Variants in MARK1 observed in about 807,000 individuals in gnomAD.
MARK1 encodes the protein microtubule affinity regulating kinase 1.
A neutral mutation model predicts 96.3 loss-of-function variants in MARK1; 40 were observed. The observed-to-expected ratio is 0.42, with a 90% CI of 0.32 to 0.54. MARK1 has a LOEUF of 0.54. Among genes scored for constraint, MARK1 ranks in the 20% least tolerant of loss-of-function variants. MARK1 has a pLI of 0.16. For missense variants in MARK1, 719 were observed against 984.6 expected, an observed-to-expected ratio of 0.73 and a Z score of 3.61; for synonymous variants, 317 against 341.2, an observed-to-expected ratio of 0.93 and a Z score of 0.78.
At chr1:220,538,233 C>T (rs1332712535) in intron 1 of MARK1, among the ~76,000 whole-genome samples, 4 of 151,988 alleles carry the variant, frequency 2.6e-5, no homozygotes, top group South Asian at 4.2e-4. Flanking sequence ...AGTCTTTAAT[C>T]CATCTTGAAT....
chr1:220,620,259 T>C lies in MARK1; in HGVS notation c.909+1504T>C, dbSNP rs559856652. Among the ~76,000 whole-genome samples, 9 of 152,344 alleles carry C rather than the reference T, an allele frequency of 5.9e-5. No individual in the cohort carries two copies. In the South Asian group the frequency reaches 1.9e-3, roughly 32 times the overall value. On this transcript the variant is annotated intron_variant, in intron 9 of 17. Transcript: ENST00000366917. ...GCTTTAATAGAGAACATGTACTATA[T>C]AATGCCCACTTTTATATCACTTATT...
At chr1:220,657,620 A>G (rs1669244651) in intron 16 of MARK1, among the ~76,000 whole-genome samples, 170 bp from the exon 17 acceptor site, 3 of 152,252 alleles carry the variant, frequency 2.0e-5, no homozygotes, top group African/African-American at 7.2e-5. Context: ...GATAAATTAC[A>G]TGCGGTTATG....
intron 9 of MARK1, among the ~76,000 whole-genome samples, chr1:220,629,322 A>G (rs1019395535): frequency 4.6e-5 from 7 of 151,622 alleles, no homozygotes; most frequent in Non-Finnish European, 8.8e-5. Context: ...TTGCCTGACC[A>G]TGAGTATAGT....
At chr1:220,544,135 A>G (rs1661325393) in intron 1 of MARK1, among the ~76,000 whole-genome samples, 1 of 152,228 alleles carries the variant, frequency 6.6e-6, no homozygotes, top group African/African-American at 2.4e-5. Context: ...AAGGGTTTAA[A>G]GAGGAATTTC....
At chr1:220,645,994 G>C (rs1218926099) in intron 13 of MARK1, among the ~76,000 whole-genome samples, 1 of 152,042 alleles carries the variant, frequency 6.6e-6, no homozygotes, top group African/African-American at 2.4e-5. Context: ...CTTGAAAACT[G>C]GCACAAGACA....
Position 220,650,692 on chromosome 1 carries a change from G to T in MARK1, c.1543G>T (p.Val515Leu), listed in dbSNP as rs780288227. The change falls in exon 14 of 18, where the codon GTA becomes TTA. Residue 515 changes from valine to leucine, a missense_variant. By Grantham distance (32) the Val-to-Leu change is conservative. Transcript: ENST00000366917. ...CTGTGAAAGGACCACAGATCGATAC[G>T]TAGCATTGCAGAATGGAAAAGACAG... ...YVCERTTDRY[V>L]ALQNGKDSSL... 1.1e-5 allele frequency: 18 copies of T among 1,613,338 alleles called. No individual in the cohort carries two copies.
intron 13 of MARK1, among the ~76,000 whole-genome samples, chr1:220,647,211 A>G (rs926061149): frequency 2.0e-5 from 3 of 152,232 alleles, no homozygotes; most frequent in South Asian, 2.1e-4. Flanking sequence ...TTTACAAGAA[A>G]AAAAGAACCC....
intron 1 of MARK1, among the ~76,000 whole-genome samples, chr1:220,577,487 T>C (rs1332746420): frequency 1.3e-5 from 2 of 152,224 alleles, no homozygotes; most frequent in Non-Finnish European, 2.9e-5. Flanking sequence ...CTTACATTAT[T>C]TTCATTGCAG....
intron 16 of MARK1, among the ~76,000 whole-genome samples, chr1:220,656,177 G>C (rs1194896108): frequency 6.6e-6 from 1 of 152,180 alleles, no homozygotes; most frequent in Non-Finnish European, 1.5e-5. Flanking sequence ...GTTAGAGCCA[G>C]CTGCACCTTC....
intron 13 of MARK1, among the ~76,000 whole-genome samples, chr1:220,638,493 C>T (rs1668093583): frequency 6.6e-6 from 1 of 152,070 alleles, no homozygotes; most frequent in South Asian, 2.1e-4. Flanking sequence ...TTGTTTCATT[C>T]ACTGTTGTTT....
intron 1 of MARK1, among the ~76,000 whole-genome samples, chr1:220,563,020 C>T (rs1437027783): frequency 6.6e-6 from 1 of 152,094 alleles, no homozygotes; most frequent in Non-Finnish European, 1.5e-5. Flanking sequence ...GTAGCTTGGC[C>T]AGTAGCAGGT....
rs536793563 is a variant in MARK1, at chr1:220,603,967, C to A, written c.425-100C>A. ...CATAAACTAGCAGAAAATTGTGGGC[C>A]AAAAGTTTCTTTATAAACAAGGAAA... On this transcript the variant is annotated intron_variant, in intron 5 of 17. Transcript: ENST00000366917. 3.2e-5 allele frequency: 21 copies of A among 650,642 alleles called. No individual in the cohort carries two copies. In the African/African-American group the frequency reaches 3.4e-4, roughly 10 times the overall value. 40.3% of individuals were successfully genotyped at this position (650,642 alleles called of 1,614,324 possible).
At chr1:220,626,931 C>A in intron 9 of MARK1, 1 of 495,292 alleles carries the variant, frequency 2.0e-6, no homozygotes. Flanking sequence ...TGTAATGTTG[C>A]CTAGTGCTGG....
chr1:220,544,516 C>T (rs996732320), intron 1 of MARK1, among the ~76,000 whole-genome samples: 3 of 152,184 alleles, frequency 2.0e-5, no homozygotes, highest in Non-Finnish European at 4.4e-5. Context: ...AAGGCCGTCA[C>T]GAGATGCCAG....
intron 1 of MARK1, among the ~76,000 whole-genome samples, chr1:220,568,871 A>G (rs1189241734): frequency 6.6e-6 from 1 of 152,156 alleles, no homozygotes. Context: ...TAAATATTGT[A>G]TGTGTTCATC....
At chr1:220,536,612 G>A (rs1038167689) in intron 1 of MARK1, among the ~76,000 whole-genome samples, 1 of 151,246 alleles carries the variant, frequency 6.6e-6, no homozygotes, top group African/African-American at 2.4e-5. Flanking sequence ...CTGGAGTGCA[G>A]TGGCGCAATC....
At chr1:220,643,705 A>G (rs1668412498) in intron 13 of MARK1, among the ~76,000 whole-genome samples, 2 of 152,208 alleles carry the variant, frequency 1.3e-5, no homozygotes, top group African/African-American at 4.8e-5. Flanking sequence ...AGGGAAGTCC[A>G]TTAGACTAAC....
At chr1:220,647,437 T>G (rs1668642616) in intron 13 of MARK1, among the ~76,000 whole-genome samples, 1 of 152,186 alleles carries the variant, frequency 6.6e-6, no homozygotes, top group Non-Finnish European at 1.5e-5. Context: ...ACTTTTACAC[T>G]GTTGGTGGGA....
At chr1:220,573,563 T>C (rs540523766) in intron 1 of MARK1, among the ~76,000 whole-genome samples, 6 of 152,130 alleles carry the variant, frequency 3.9e-5, no homozygotes, top group Non-Finnish European at 8.8e-5. Context: ...GACCTCGTGA[T>C]CCACCCACCT....
Sources: gnomAD v4.1 joint callset for allele counts (sites outside exome capture counted in the v4.1 genomes callset) on GRCh38, gnomAD v4.1.1 for gene constraint, MANE v1.5 for transcripts, NCBI Gene and HGNC (gene_info 2026-07-23, HGNC 2026-07-21) for gene names.